Variants in GRM1 observed in about 807,000 individuals in gnomAD.
The protein encoded by GRM1 is glutamate metabotropic receptor 1, also known as metabotropic glutamate receptor 1.
In GRM1, 33 loss-of-function variants were observed where a neutral mutation model predicts 90.9. That is an observed-to-expected ratio of 0.36 (90% CI 0.28 to 0.49). The LOEUF (loss-of-function observed/expected upper bound fraction) is 0.49. GRM1 is among the 20% of genes least tolerant of loss of function. The probability of loss-of-function intolerance (pLI) is 0.99; values close to 1 mark genes in which losing one functional copy is unlikely to be tolerated. For synonymous variants in GRM1, 700 were observed against 613.2 expected (o/e 1.14, Z -2.09); for missense variants, 1,190 against 1,534.3 (o/e 0.78, Z 3.75).
At chr6:146,165,007 A>G (rs1463928419) in intron 2 of GRM1, among the ~76,000 whole-genome samples, 2 of 151,636 alleles carry the variant, frequency 1.3e-5, no homozygotes, top group African/African-American at 4.8e-5. Flanking sequence ...TGCTTCTCGC[A>G]ACTCTGTGAT....
At chr6:146,203,111 G>A (rs71566430) in intron 2 of GRM1, among the ~76,000 whole-genome samples, 1,760 of 151,854 alleles carry the variant, frequency 0.012, 13 homozygotes, top group South Asian at 0.029. Flanking sequence ...GGAGAATGGC[G>A]TGAACCCGGG....
chr6:146,222,350 T>C (rs1780091774), intron 2 of GRM1, among the ~76,000 whole-genome samples: 1 of 152,156 alleles, frequency 6.6e-6, no homozygotes. Flanking sequence ...ATGTATTAGT[T>C]TGGGTTCTCT....
Position 146,159,993 on chromosome 6 carries a change from GA to G in GRM1, c.950+408del, listed in dbSNP as rs796131829. ...ATAACAAGATACTGATACTTTTTCAGAAAAAAAAAAAAGATGGAAAGCTGTT... is the reference window on the plus strand; with the variant it reads ...ATAACAAGATACTGATACTTTTTCAGAAAAAAAAAAAGATGGAAAGCTGTT... On this transcript the variant is annotated intron_variant, in intron 2 of 7. Transcript: ENST00000282753. The G allele has an allele frequency of 4.9e-3, 681 of 139,972 alleles. 1 individual carries two copies. Among genetic ancestry groups the G allele is most frequent in the South Asian group, 0.012 (55 of 4,724 alleles). 8.7% of individuals were successfully genotyped at this position (139,972 alleles called of 1,614,324 possible). A position where few individuals can be genotyped will look rare whatever the true frequency, so the allele number is the denominator to read the frequency against.
intron 2 of GRM1, among the ~76,000 whole-genome samples, chr6:146,232,249 A>G (rs1048928030): frequency 7.9e-5 from 12 of 152,086 alleles, no homozygotes; most frequent in African/African-American, 2.2e-4. Flanking sequence ...GTCAGAGTTC[A>G]AGGTGTTGAC....
intron 1 of GRM1, among the ~76,000 whole-genome samples, chr6:146,150,438 A>G (rs4896858): frequency 0.043 from 6,577 of 152,268 alleles, 175 homozygotes; most frequent in Admixed American, 0.061. Context: ...TTTTGGATAC[A>G]TAATAGTTTC....
At chr6:146,289,002 T>C (rs1039619527) in intron 2 of GRM1, among the ~76,000 whole-genome samples, 5 of 152,222 alleles carry the variant, frequency 3.3e-5, no homozygotes, top group African/African-American at 1.2e-4. Context: ...GTAACACTTA[T>C]AATTGTGTAC....
intron 5 of GRM1, among the ~76,000 whole-genome samples, chr6:146,375,972 C>T (rs1463031858): frequency 6.6e-6 from 1 of 151,874 alleles, no homozygotes; most frequent in East Asian, 1.9e-4. Flanking sequence ...CTGTTTTCCT[C>T]TAGTGAAGGT....
At chr6:146,403,273 T>A (rs17076013) in intron 7 of GRM1, among the ~76,000 whole-genome samples, 1,606 of 152,212 alleles carry the variant, frequency 0.011, 35 homozygotes, top group African/African-American at 0.037. Context: ...TACATGTCAA[T>A]CTAACATCTC....
intron 1 of GRM1, among the ~76,000 whole-genome samples, chr6:146,135,425 T>C (rs1275328320): frequency 6.6e-6 from 1 of 152,208 alleles, no homozygotes; most frequent in Admixed American, 6.5e-5. Context: ...TAAGGCTCTG[T>C]GATGTGAAGT....
intron 2 of GRM1, among the ~76,000 whole-genome samples, chr6:146,191,174 T>C (rs976663400): frequency 1.3e-5 from 2 of 152,212 alleles, no homozygotes; most frequent in Admixed American, 6.5e-5. Context: ...TTCCTTAGTC[T>C]GGATTAGGCT....
chr6:146,169,597 A>G (rs1306994178), intron 2 of GRM1, among the ~76,000 whole-genome samples: 1 of 152,154 alleles, frequency 6.6e-6, no homozygotes, highest in African/African-American at 2.4e-5. Flanking sequence ...CTGTCCCAGT[A>G]AGTCTACCTG....
At chr6:146,142,671 C>T (rs1390340880) in intron 1 of GRM1, among the ~76,000 whole-genome samples, 1 of 151,596 alleles carries the variant, frequency 6.6e-6, no homozygotes, top group African/African-American at 2.4e-5. Context: ...CCGCATAGAC[C>T]ACCACCACAG....
chr6:146,150,938 G>GTGCACA (rs1554273699), intron 1 of GRM1, among the ~76,000 whole-genome samples: 3 of 150,708 alleles, frequency 2.0e-5, no homozygotes, highest in South Asian at 2.1e-4. Flanking sequence ...GCGTGTGCGC[G>GTGCACA]CACACACACA....
chr6:146,034,406 A>G (rs1230094638), intron 1 of GRM1, among the ~76,000 whole-genome samples: 3 of 151,974 alleles, frequency 2.0e-5, no homozygotes, highest in African/African-American at 7.2e-5. Flanking sequence ...TCTTACATCA[A>G]TTAACATCCC....
At chr6:146,285,553 C>A (rs1028457383) in intron 2 of GRM1, among the ~76,000 whole-genome samples, 1 of 152,186 alleles carries the variant, frequency 6.6e-6, no homozygotes, top group African/African-American at 2.4e-5. Flanking sequence ...TTCTTCTCAA[C>A]CTTTCATTAG....
intron 2 of GRM1, among the ~76,000 whole-genome samples, chr6:146,296,678 T>A (rs907970300): frequency 6.6e-6 from 1 of 152,232 alleles, no homozygotes; most frequent in Non-Finnish European, 1.5e-5. Context: ...GGATTTTCAA[T>A]AATGTTAGAT....
intron 1 of GRM1, among the ~76,000 whole-genome samples, chr6:146,087,813 G>C (rs1582984938): frequency 1.3e-5 from 2 of 152,088 alleles, no homozygotes; most frequent in Non-Finnish European, 2.9e-5. Context: ...CCATCACATG[G>C]ATTTACAGTT....
At position 146,315,902 on chromosome 6, in the gene GRM1, C is replaced by T. The variant is rs188461278; in HGVS notation, c.1186+11056C>T. On this transcript the variant is annotated intron_variant, in intron 3 of 7. Transcript: ENST00000282753. Reference sequence around the variant, plus strand: ...TTTTGCATTTGAAGTATTGGCATTCCGAAACCAGTAAGTCATAACCAAATA... The same window carrying T: ...TTTTGCATTTGAAGTATTGGCATTCTGAAACCAGTAAGTCATAACCAAATA... Among the ~76,000 whole-genome samples, 7 of 152,192 alleles carry T rather than the reference C, an allele frequency of 4.6e-5. No homozygotes were observed. In the East Asian group the frequency reaches 5.8e-4, roughly 13 times the overall value.
intron 2 of GRM1, among the ~76,000 whole-genome samples, chr6:146,227,893 C>A (rs1397556802): frequency 6.6e-6 from 1 of 152,126 alleles, no homozygotes; most frequent in Non-Finnish European, 1.5e-5. Context: ...TCTGGCAAAA[C>A]AATTTATTCA....
Sources: gnomAD v4.1 joint callset for allele counts (sites outside exome capture counted in the v4.1 genomes callset) on GRCh38, gnomAD v4.1.1 for gene constraint, MANE v1.5 for transcripts, NCBI Gene and HGNC (gene_info 2026-07-23, HGNC 2026-07-21) for gene names.